Variants in ARFGAP3 observed in about 807,000 individuals in gnomAD.
ARFGAP3 encodes ARF GTPase activating protein 3.
A neutral mutation model predicts 75.0 loss-of-function variants in ARFGAP3; 72 were observed. The ratio of observed to expected loss-of-function variants is 0.96; its 90% CI spans 0.79 to 1.17. The LOEUF is 1.17. Among genes scored for constraint, ARFGAP3 ranks in the 50% most tolerant of loss-of-function variants. The pLI is 0.00. For synonymous variants in ARFGAP3, 221 were observed against 217.9 expected (o/e 1.01, Z -0.13); for missense variants, 620 against 626.6 (o/e 0.99, Z 0.11).
chr22:42,799,833 C>A (rs971556960), intron 14 of ARFGAP3, among the ~76,000 whole-genome samples: 2 of 152,218 alleles, frequency 1.3e-5, no homozygotes, highest in African/African-American at 4.8e-5. Context: ...ATAGATGCAT[C>A]ACTGATGCTG....
chr22:42,840,874 G>A (rs1004595799), intron 3 of ARFGAP3, 70 bp downstream of exon 3: 1 of 1,516,262 alleles, frequency 6.6e-7, no homozygotes, highest in Non-Finnish European at 9.1e-7. Flanking sequence ...CCTAGCCTGA[G>A]CTTCTTTACT....
At chr22:42,810,377 T>G (rs1925311080) in intron 12 of ARFGAP3, among the ~76,000 whole-genome samples, 1 of 151,954 alleles carries the variant, frequency 6.6e-6, no homozygotes, top group African/African-American at 2.4e-5. Context: ...GGCAGGAGAA[T>G]CGCTTGAACC....
chr22:42,848,760 G>A (rs981851243), intron 1 of ARFGAP3, among the ~76,000 whole-genome samples: 2 of 152,154 alleles, frequency 1.3e-5, no homozygotes, highest in African/African-American at 4.8e-5. Context: ...GGTTGTGGCA[G>A]CCAGACTCCA....
At chr22:42,807,447 C>G (rs1051998678) in intron 13 of ARFGAP3, among the ~76,000 whole-genome samples, 2 of 152,150 alleles carry the variant, frequency 1.3e-5, no homozygotes, top group African/African-American at 2.4e-5. Flanking sequence ...CATCTCTCTC[C>G]TGGTGCTGCT....
chr22:42,827,626 G>A (rs1002487389), intron 6 of ARFGAP3, among the ~76,000 whole-genome samples: 15 of 152,090 alleles, frequency 9.9e-5, no homozygotes, highest in Admixed American at 3.9e-4. Context: ...TTGGCCTCCC[G>A]AAGTGCCAGG....
intron 1 of ARFGAP3, among the ~76,000 whole-genome samples, chr22:42,854,696 C>T (rs1281997822): frequency 6.6e-6 from 1 of 151,852 alleles, no homozygotes; most frequent in East Asian, 1.9e-4. Flanking sequence ...AGTAAATCAT[C>T]ATACATGAGA....
Position 42,835,430 on chromosome 22 carries a change from C to G in ARFGAP3, c.325G>C (p.Ala109Pro), listed in dbSNP as rs746565455. The change falls in exon 4 of 16, where the codon GCT becomes CCT. Residue 109 changes from alanine to proline, a missense_variant. Coordinates refer to ENST00000263245, the MANE Select transcript of ARFGAP3 (RefSeq NM_014570.5). ...ATTTTCTCCCTATAGAGCTGAGCAG[C>G]ACGACTGTTGTACTTGGCATTGGTG... ...NDTNAKYNSR[A>P]AQLYREKIKS... 4.3e-6 allele frequency: 7 copies of G among 1,614,028 alleles called. No individual in the cohort carries two copies. Among genetic ancestry groups the G allele is most frequent in the Non-Finnish European group, 5.9e-6 (7 of 1,180,016 alleles).
At chr22:42,806,432 C>T (rs1925126650) in intron 14 of ARFGAP3, among the ~76,000 whole-genome samples, 1 of 152,234 alleles carries the variant, frequency 6.6e-6, no homozygotes, top group African/African-American at 2.4e-5. Flanking sequence ...CCAGACACCT[C>T]CTCGCTGGGG....
chr22:42,822,126 T>C lies in ARFGAP3; in HGVS notation c.812+144A>G, dbSNP rs1049042512. Reference sequence around the variant, plus strand: ...CTTTCCCTTCCAATCCACATGCCAATGCAATATCAGTTTTCATAAAACTGA... The same window carrying C: ...CTTTCCCTTCCAATCCACATGCCAACGCAATATCAGTTTTCATAAAACTGA... On this transcript the variant is annotated intron_variant, in intron 9 of 15. Coordinates refer to ENST00000263245, the MANE Select transcript of ARFGAP3 (RefSeq NM_014570.5). 7 of 678,206 alleles carry C rather than the reference T, an allele frequency of 1.0e-5. No homozygotes were observed. In the African/African-American group the frequency reaches 1.1e-4, roughly 11 times the overall value. The allele number at this position is 678,206 out of a possible 1,614,324, so 42.0% of individuals were successfully genotyped here. A position where few individuals can be genotyped will look rare whatever the true frequency, so the allele number is the denominator to read the frequency against.
intron 3 of ARFGAP3, among the ~76,000 whole-genome samples, chr22:42,838,303 T>TC (rs1273422066): frequency 6.3e-5 from 9 of 142,770 alleles, no homozygotes; most frequent in Non-Finnish European, 7.7e-5. Flanking sequence ...TTTTTTTTCT[T>TC]TTTTTTTTTT....
At chr22:42,798,409 T>C (rs747357567) in intron 15 of ARFGAP3, among the ~76,000 whole-genome samples, 10 of 152,338 alleles carry the variant, frequency 6.6e-5, no homozygotes, top group Non-Finnish European at 1.2e-4. Context: ...ATACAATCCT[T>C]CTTCAATAGC....
intron 3 of ARFGAP3, among the ~76,000 whole-genome samples, chr22:42,840,666 T>C (rs1602125036): frequency 6.6e-6 from 1 of 151,626 alleles, no homozygotes; most frequent in Non-Finnish European, 1.5e-5. Context: ...TGACCTCAAG[T>C]GATCCGCCCG....
At chr22:42,842,496 A>G (rs918140288) in intron 2 of ARFGAP3, among the ~76,000 whole-genome samples, 2 of 150,734 alleles carry the variant, frequency 1.3e-5, no homozygotes, top group African/African-American at 4.9e-5. Context: ...TGCCCAGGCT[A>G]GAGTGCAGTG....
chr22:42,804,615 CG>C (rs1925037076), intron 14 of ARFGAP3, among the ~76,000 whole-genome samples: 1 of 151,928 alleles, frequency 6.6e-6, no homozygotes, highest in African/African-American at 2.4e-5. Flanking sequence ...CTCTTGACCT[CG>C]TGATCCACCC....
chr22:42,818,628 T>C lies in ARFGAP3; in HGVS notation c.813-771A>G, dbSNP rs190494683. Among the ~76,000 whole-genome samples, 31 of 152,148 alleles carry C rather than the reference T, an allele frequency of 2.0e-4. No individual in the cohort carries two copies. The East Asian group carries it at 4.6e-3, about 23-fold the overall frequency. ...AGCAAGAATAGCAGTTTGCATCATA[T>C]TTTAGTGAGACAGCACAACATTTCA... On this transcript the variant is annotated intron_variant, in intron 9 of 15. Transcript: ENST00000263245.
chr22:42,797,348 TAC>T lies in ARFGAP3; in HGVS notation c.*238_*239del. ...GTTCCAAGAAAATAAAGCAAGGATA[TAC>T]ACAGAGACGCCAAAGGAGGGTGTGA... On this transcript the variant is annotated 3_prime_UTR_variant, in exon 16 of 16. Transcript: ENST00000263245. The T allele has an allele frequency of 1.7e-6, 1 of 585,012 alleles. No homozygotes were observed. The highest frequency in any genetic ancestry group is 3.1e-5 in the Admixed American group (1 of 32,244). 36.2% of individuals were successfully genotyped at this position (585,012 alleles called of 1,614,324 possible).
chr22:42,808,848 A>G lies in ARFGAP3; in HGVS notation c.1239T>C (p.Asn413=), dbSNP rs1925241499. 9.3e-6 allele frequency: 15 copies of G among 1,613,464 alleles called. No homozygotes were observed. The highest frequency in any genetic ancestry group is 1.3e-5 in the Non-Finnish European group (15 of 1,179,618). Residue 413 remains asparagine (N), a synonymous_variant, in exon 13 of 16, where the codon AAT becomes AAC. Transcript: ENST00000263245. ...RRKPDYEPVE[N]TDEAQKKFGN... ...CAAACTTCTTCTGGGCCTCATCTGT[A>G]TTTTCAACTGGCTCATAATCTGGCT... is the stretch of plus-strand genomic sequence containing the variant.
At chr22:42,852,842 G>T (rs1433530353) in intron 1 of ARFGAP3, among the ~76,000 whole-genome samples, 1 of 152,124 alleles carries the variant, frequency 6.6e-6, no homozygotes, top group East Asian at 1.9e-4. Flanking sequence ...TTGGTTCACT[G>T]CAACCTCTGC....
At chr22:42,837,672 C>CT (rs1242700697) in intron 3 of ARFGAP3, among the ~76,000 whole-genome samples, 4 of 67,308 alleles carry the variant, frequency 5.9e-5, no homozygotes, top group Non-Finnish European at 9.9e-5. Flanking sequence ...CTAAGGCATA[C>CT]TTCTTTTTTT....
Sources: gnomAD v4.1 joint callset for allele counts (sites outside exome capture counted in the v4.1 genomes callset) on GRCh38, gnomAD v4.1.1 for gene constraint, MANE v1.5 for transcripts, NCBI Gene and HGNC (gene_info 2026-07-23, HGNC 2026-07-21) for gene names.